The following PTGER3 variants were observed in gnomAD, a reference collection of about 807,000 sequenced individuals.
The protein encoded by PTGER3 is prostaglandin E receptor 3.
Under a neutral mutation model 34.7 loss-of-function variants are expected in PTGER3, and 22 were observed. The ratio of observed to expected loss-of-function variants is 0.63; its 90% CI spans 0.45 to 0.91. The LOEUF (loss-of-function observed/expected upper bound fraction) is 0.91, where lower values mean the gene tolerates loss of function less well. Among genes scored for constraint, PTGER3 ranks in the 40% least tolerant of loss-of-function variants. The probability of loss-of-function intolerance (pLI) is 0.00; values close to 1 mark genes in which losing one functional copy is unlikely to be tolerated. For synonymous variants in PTGER3, 241 were observed against 230.1 expected, an observed-to-expected ratio of 1.05 and a Z score of -0.43; for missense variants, 468 against 519.4, an observed-to-expected ratio of 0.90 and a Z score of 0.96.
chr1:70,988,578 G>C (rs1220922405), intron 2 of PTGER3, among the ~76,000 whole-genome samples: 1 of 152,080 alleles, frequency 6.6e-6, no homozygotes, highest in South Asian at 2.1e-4. Context: ...GCTGGAGCTC[G>C]AGCAGCTATA....
intron 4 of PTGER3, among the ~76,000 whole-genome samples, chr1:70,933,893 T>A (rs1350153115): frequency 2.6e-5 from 4 of 152,138 alleles, no homozygotes; most frequent in African/African-American, 9.7e-5. Context: ...GTGACAGTAC[T>A]GCCAGGCATT....
chr1:71,031,388 T>A (rs938701346), intron 1 of PTGER3, among the ~76,000 whole-genome samples: 8 of 152,126 alleles, frequency 5.3e-5, no homozygotes, highest in African/African-American at 1.9e-4. Flanking sequence ...CCCCACCTTT[T>A]ATTATTAATA....
At chr1:70,885,243 C>A (rs893958855) in intron 4 of PTGER3, among the ~76,000 whole-genome samples, 1 of 151,864 alleles carries the variant, frequency 6.6e-6, no homozygotes, top group East Asian at 1.9e-4. Flanking sequence ...TGCTCTGAAG[C>A]AATAGTAGTT....
At chr1:70,892,726 A>G (rs1455356144) in intron 4 of PTGER3, among the ~76,000 whole-genome samples, 1 of 151,686 alleles carries the variant, frequency 6.6e-6, no homozygotes, top group East Asian at 1.9e-4. Context: ...CTGTAGTCCC[A>G]GCTACTCAGG....
At chr1:71,041,897 G>T (rs779204264) in intron 1 of PTGER3, among the ~76,000 whole-genome samples, 60 of 152,268 alleles carry the variant, frequency 3.9e-4, no homozygotes, top group Non-Finnish European at 5.4e-4. Context: ...CTGAAACTTA[G>T]CACCCAGTAT....
chr1:71,038,011 G>A (rs1410814361), intron 1 of PTGER3, among the ~76,000 whole-genome samples: 1 of 152,216 alleles, frequency 6.6e-6, no homozygotes, highest in Non-Finnish European at 1.5e-5. Context: ...TTGGTAGCAA[G>A]ATGTTACCAG....
chr1:70,885,516 A>G (rs533195940), intron 4 of PTGER3, among the ~76,000 whole-genome samples: 3 of 152,364 alleles, frequency 2.0e-5, no homozygotes, highest in South Asian at 4.1e-4. Flanking sequence ...GTTAAGTGGT[A>G]CATATATTAT....
chr1:71,031,683 C>T (rs1458560919), intron 1 of PTGER3, among the ~76,000 whole-genome samples: 2 of 152,188 alleles, frequency 1.3e-5, no homozygotes, highest in East Asian at 3.9e-4. Context: ...TCATCAAGAA[C>T]ATCCTGGGTC....
At position 70,971,542 on chromosome 1, in the gene PTGER3, A is replaced by G; in HGVS notation, c.*188T>C. The G allele has an allele frequency of 8.1e-7, 1 of 1,239,058 alleles. No homozygotes were observed. The highest frequency in any genetic ancestry group is 1.0e-6 in the Non-Finnish European group (1 of 983,560). 76.8% of individuals were successfully genotyped at this position (1,239,058 alleles called of 1,614,324 possible). ...CATCCAAGAAACCAATCTAATATTC[A>G]GAGGCATGGATTATAATAATAAAGT... On this transcript the variant is annotated 3_prime_UTR_variant, in exon 4 of 4. Transcript: ENST00000306666.
At chr1:70,973,710 A>G (rs892320301) in intron 3 of PTGER3, among the ~76,000 whole-genome samples, 1 of 152,206 alleles carries the variant, frequency 6.6e-6, no homozygotes, top group South Asian at 2.1e-4. Flanking sequence ...AAATCACACA[A>G]TGCTATAATT....
At position 71,047,664 on chromosome 1, in the gene PTGER3, G is replaced by A. The variant is rs539701660; in HGVS notation, c.-87C>T. 2.1e-3 allele frequency: 2,946 copies of A among 1,413,106 alleles called. 14 individuals carry two copies. The highest frequency in any genetic ancestry group is 7.1e-3 in the South Asian group (477 of 67,334). 87.5% of individuals were successfully genotyped at this position (1,413,106 alleles called of 1,614,324 possible). Reference sequence around the variant, plus strand: ...GGCGCGGGCGGCGGCGGAGGTCGGCGTTTACCGCGGCTGGGGCTGGGCTGC... The same window carrying A: ...GGCGCGGGCGGCGGCGGAGGTCGGCATTTACCGCGGCTGGGGCTGGGCTGC... On this transcript the variant is annotated 5_prime_UTR_variant, in exon 1 of 4. The change creates a new upstream start codon in the 5' untranslated region. Transcript: ENST00000306666.
At chr1:70,915,985 C>A (rs74563024) in intron 4 of PTGER3, among the ~76,000 whole-genome samples, 5,975 of 152,000 alleles carry the variant, frequency 0.039, 154 homozygotes, top group Middle Eastern at 0.13. Flanking sequence ...GCAAACTGTA[C>A]ATCTAACTAA....
intron 3 of PTGER3, among the ~76,000 whole-genome samples, chr1:70,973,178 G>T (rs926868079): frequency 2.7e-5 from 4 of 150,784 alleles, no homozygotes; most frequent in Non-Finnish European, 5.9e-5. Context: ...TAGATAGACA[G>T]ATAGATACAT....
chr1:70,996,639 TTTTATTTATTTATTTA>T (rs763272005), intron 2 of PTGER3, among the ~76,000 whole-genome samples: 1 of 122,752 alleles, frequency 8.1e-6, no homozygotes, highest in South Asian at 2.8e-4. Flanking sequence ...TTTTTTGTAT[TTTTATTTATTTATTTA>T]TTTATTTATT....
At chr1:70,962,301 A>G (rs759797193) in intron 2 of PTGER3, among the ~76,000 whole-genome samples, 1 of 152,186 alleles carries the variant, frequency 6.6e-6, no homozygotes, top group Non-Finnish European at 1.5e-5. Context: ...TTTAAATTCT[A>G]CCAAGTGAGA....
Position 70,970,888 on chromosome 1 carries a change from T to C in PTGER3, c.*842A>G. On this transcript the variant is annotated 3_prime_UTR_variant, in exon 4 of 4. Coordinates refer to ENST00000306666, the MANE Select transcript of PTGER3 (RefSeq NM_198719.2). ...TTATTCAACAACTGTTATTTATTAA[T>C]TTTGCCTTTGTATATGCTGCCAGAA... The C allele has an allele frequency of 1.0e-6, 1 of 977,394 alleles. No individual in the cohort carries two copies. Among genetic ancestry groups the C allele is most frequent in the Non-Finnish European group, 1.2e-6 (1 of 822,622 alleles). The allele number at this position is 977,394 out of a possible 1,614,324, so 60.5% of individuals were successfully genotyped here.
intron 4 of PTGER3, among the ~76,000 whole-genome samples, chr1:70,893,546 G>A (rs986641358): frequency 3.9e-5 from 6 of 152,178 alleles, no homozygotes; most frequent in African/African-American, 1.4e-4. Flanking sequence ...CCAACTAGGT[G>A]ACAAGAGCAC....
At chr1:70,916,990 A>T (rs536096213) in intron 4 of PTGER3, among the ~76,000 whole-genome samples, 20 of 152,030 alleles carry the variant, frequency 1.3e-4, no homozygotes, top group Non-Finnish European at 2.5e-4. Flanking sequence ...TGTGGTAATT[A>T]CCTTACCCAT....
At chr1:71,022,348 AC>A (rs1241026805) in intron 1 of PTGER3, among the ~76,000 whole-genome samples, 2 of 151,912 alleles carry the variant, frequency 1.3e-5, no homozygotes, top group Admixed American at 1.3e-4. Context: ...AGCTTGATCA[AC>A]AAATTAATTA....
Sources: gnomAD v4.1 joint callset for allele counts (sites outside exome capture counted in the v4.1 genomes callset) on GRCh38, gnomAD v4.1.1 for gene constraint, MANE v1.5 for transcripts, NCBI Gene and HGNC (gene_info 2026-07-23, HGNC 2026-07-21) for gene names.